Variants in RPS6KC1 observed in about 807,000 individuals in gnomAD.
RPS6KC1 encodes inactive ribosomal protein S6 kinase delta-1.
Under a neutral mutation model 103.8 loss-of-function variants are expected in RPS6KC1, and 54 were observed. That is an observed-to-expected ratio of 0.52 (90% confidence interval 0.42 to 0.65). The LOEUF is 0.65. Ranked by LOEUF, RPS6KC1 falls within the 30% of genes least tolerant of loss-of-function variation. The pLI, the probability that RPS6KC1 is intolerant of heterozygous loss-of-function variation, is 0.00. For missense variants in RPS6KC1, 1,151 were observed against 1,253.8 expected (o/e 0.92, Z 1.24); for synonymous variants, 439 against 438.7 (o/e 1.00, Z -0.01).
At chr1:213,290,343 T>C in the RPS6KC1 span, among the ~76,000 whole-genome samples, 1 of 152,148 alleles carries the variant, frequency 6.6e-6, no homozygotes, top group African/African-American at 2.4e-5. Flanking sequence ...ACATTGGTAC[T>C]TAACTGTTCT....
the RPS6KC1 span, among the ~76,000 whole-genome samples, chr1:213,643,324 C>T: frequency 6.6e-6 from 1 of 151,678 alleles, no homozygotes; most frequent in Middle Eastern, 3.6e-3. Flanking sequence ...GGAAAGAAAG[C>T]TTTATAGTCC....
At chr1:213,609,523 C>A in the RPS6KC1 span, among the ~76,000 whole-genome samples, 1 of 152,096 alleles carries the variant, frequency 6.6e-6, no homozygotes, top group Non-Finnish European at 1.5e-5. Context: ...AGCACAATCA[C>A]CCTCACAAAG....
the RPS6KC1 span, among the ~76,000 whole-genome samples, chr1:213,545,337 C>G: frequency 6.6e-6 from 1 of 150,436 alleles, no homozygotes; most frequent in Non-Finnish European, 1.5e-5. Flanking sequence ...GGCCACTGCA[C>G]TCCAGCCTGG....
At chr1:213,630,436 C>T in the RPS6KC1 span, among the ~76,000 whole-genome samples, 21,872 of 152,134 alleles carry the variant, frequency 0.14, 2,514 homozygotes, top group African/African-American at 0.32. Flanking sequence ...CCATCAGGTC[C>T]TTTAAGGACT....
chr1:213,547,859 G>A, the RPS6KC1 span, among the ~76,000 whole-genome samples: 1 of 152,096 alleles, frequency 6.6e-6, no homozygotes, highest in Non-Finnish European at 1.5e-5. Flanking sequence ...GCATAACTGT[G>A]AGCCAAACAA....
chr1:213,354,239 G>A, the RPS6KC1 span, among the ~76,000 whole-genome samples: 1 of 152,196 alleles, frequency 6.6e-6, no homozygotes, highest in Non-Finnish European at 1.5e-5. Flanking sequence ...GAAGCTCTTA[G>A]CATCACCTGG....
chr1:213,153,011 G>A (rs1424833852), intron 6 of RPS6KC1, among the ~76,000 whole-genome samples: 2 of 152,260 alleles, frequency 1.3e-5, no homozygotes, highest in African/African-American at 2.4e-5. Flanking sequence ...GCCGAGGCTG[G>A]TGGATCACGT....
chr1:213,827,354 T>C, the RPS6KC1 span, among the ~76,000 whole-genome samples: 1 of 152,144 alleles, frequency 6.6e-6, no homozygotes, highest in South Asian at 2.1e-4. Context: ...CCTTAACTTT[T>C]AGCTCACGGC....
chr1:213,439,795 T>G, the RPS6KC1 span, among the ~76,000 whole-genome samples: 1 of 151,778 alleles, frequency 6.6e-6, no homozygotes, highest in African/African-American at 2.4e-5. Flanking sequence ...TGTAAGAAGG[T>G]GTTGGTGAAT....
chr1:213,589,938 G>GGTGT, the RPS6KC1 span, among the ~76,000 whole-genome samples: 2,296 of 132,756 alleles, frequency 0.017, 35 homozygotes, highest in East Asian at 0.073. Context: ...AAAAGGTAGT[G>GGTGT]GTGTGTGTGT....
chr1:213,648,622 A>C, the RPS6KC1 span, among the ~76,000 whole-genome samples: 1 of 151,164 alleles, frequency 6.6e-6, no homozygotes. Flanking sequence ...ATCTGCAGTC[A>C]CCCCCTCCTA....
the RPS6KC1 span, among the ~76,000 whole-genome samples, chr1:213,715,056 A>G: frequency 6.6e-6 from 1 of 152,196 alleles, no homozygotes; most frequent in Non-Finnish European, 1.5e-5. Context: ...TGTGACTAAG[A>G]GAAGCAAAGA....
the RPS6KC1 span, among the ~76,000 whole-genome samples, chr1:213,754,384 C>T: frequency 3.9e-4 from 59 of 152,332 alleles, no homozygotes; most frequent in Non-Finnish European, 7.2e-4. Context: ...TGGTTTGGAT[C>T]TGTGTACCCA....
chr1:213,721,023 A>C, the RPS6KC1 span, among the ~76,000 whole-genome samples: 1 of 152,358 alleles, frequency 6.6e-6, no homozygotes, highest in African/African-American at 2.4e-5. Flanking sequence ...GCAGGTCCTC[A>C]TAACGGTAAT....
chr1:213,435,854 C>G, the RPS6KC1 span, among the ~76,000 whole-genome samples: 6 of 152,174 alleles, frequency 3.9e-5, no homozygotes, highest in Non-Finnish European at 7.3e-5. Flanking sequence ...CCCCAGCCCC[C>G]ACCCCTGTAC....
chr1:213,373,600 A>G, the RPS6KC1 span, among the ~76,000 whole-genome samples: 1 of 152,228 alleles, frequency 6.6e-6, no homozygotes, highest in East Asian at 1.9e-4. Flanking sequence ...TATGTATTTG[A>G]CAATTTAAAA....
At chr1:213,279,475 T>C (rs1296293192), downstream of RPS6KC1, among the ~76,000 whole-genome samples, 2 of 152,194 alleles carry the variant, frequency 1.3e-5, no homozygotes, top group Non-Finnish European at 2.9e-5. Context: ...CCCCCATTGG[T>C]TGATAATGAT....
the RPS6KC1 span, among the ~76,000 whole-genome samples, chr1:213,689,559 C>T: frequency 1.3e-5 from 2 of 152,340 alleles, no homozygotes; most frequent in African/African-American, 4.8e-5. Flanking sequence ...ACAGTCAATC[C>T]AATTCCATTC....
At chr1:213,518,445 C>T in the RPS6KC1 span, among the ~76,000 whole-genome samples, 5 of 152,294 alleles carry the variant, frequency 3.3e-5, no homozygotes, top group African/African-American at 7.2e-5. Context: ...AGCCAAGGAA[C>T]GTCTGATGCC....
Sources: gnomAD v4.1 joint callset for allele counts (sites outside exome capture counted in the v4.1 genomes callset) on GRCh38, gnomAD v4.1.1 for gene constraint, MANE v1.5 for transcripts, NCBI Gene and HGNC (gene_info 2026-07-23, HGNC 2026-07-21) for gene names.